The following CALHM2 variants were observed in gnomAD, a reference collection of about 807,000 sequenced individuals.
The protein encoded by CALHM2 is calcium homeostasis modulator family member 2, also known as calcium homeostasis modulator protein 2.
CALHM2 carries 18 observed loss-of-function variants against 20.4 expected under a neutral mutation model. The observed-to-expected ratio is 0.88, with a 90% CI of 0.61 to 1.31. The LOEUF (loss-of-function observed/expected upper bound fraction) is 1.31. Ranked by LOEUF, CALHM2 falls within the 50% of genes most tolerant of loss-of-function variation. CALHM2 has a pLI of 0.00. For synonymous variants in CALHM2, 193 were observed against 192.1 expected (o/e 1.00, Z -0.04); for missense variants, 411 against 435.7 (o/e 0.94, Z 0.50).
chr10:103,448,291 T>G (rs1744502265), intron 3 of CALHM2, among the ~76,000 whole-genome samples: 2 of 151,480 alleles, frequency 1.3e-5, no homozygotes. Flanking sequence ...AGATTACAGG[T>G]GCCCACCACC....
In CALHM2 at chr10:103,446,916, G is replaced by A; in HGVS notation, c.*236C>T. On this transcript the variant is annotated 3_prime_UTR_variant, in exon 4 of 4. Transcript: ENST00000260743. The stretch of plus-strand genomic sequence containing the variant: ...CTATGCAGCTAGATACATGTTAACT[G>A]CATAGAGTACCATAAAGGAGCCCAC... 2.0e-6 allele frequency: 1 copy of A among 510,394 alleles called. No individual in the cohort carries two copies. Among genetic ancestry groups the A allele is most frequent in the Non-Finnish European group, 3.4e-6 (1 of 290,086 alleles). The allele number at this position is 510,394 out of a possible 1,614,324, so 31.6% of individuals were successfully genotyped here. A position where few individuals can be genotyped will look rare whatever the true frequency, so the allele number is the denominator to read the frequency against.
At chr10:103,451,591 T>C (rs1208286605) in intron 1 of CALHM2, 3 of 151,596 alleles carry the variant, frequency 2.0e-5, no homozygotes, top group Admixed American at 6.7e-5. Context: ...CATGTGGCCA[T>C]GCAGACTCCA....
In CALHM2 at chr10:103,447,192, G is replaced by T; in HGVS notation, c.932C>A (p.Ala311Glu). The T allele has an allele frequency of 4.3e-6, 7 of 1,613,666 alleles. No individual in the cohort carries two copies. Among genetic ancestry groups the T allele is most frequent in the Non-Finnish European group, 5.9e-6 (7 of 1,179,706 alleles). ...GGCCATCTCCACGTTGTCAGGGGCC[G>T]CGCCGTTGCCTGCCAGACCCTGGGC... ...KWAQGLAGNG[A>E]APDNVEMALL... The change falls in exon 4 of 4, where the codon GCG becomes GAG. Residue 311 changes from alanine to glutamate, a missense_variant. Coordinates refer to ENST00000260743, the MANE Select transcript of CALHM2 (RefSeq NM_015916.5).
chr10:103,449,534 C>T lies in CALHM2; in HGVS notation c.408G>A (p.Val136=), dbSNP rs1178125155. 1.9e-6 allele frequency: 3 copies of T among 1,613,648 alleles called. No individual in the cohort carries two copies. Among genetic ancestry groups the T allele is most frequent in the Admixed American group, 1.7e-5 (1 of 60,022 alleles). The change falls in exon 3 of 4, where the codon GTG becomes GTA. Residue 136 remains valine, a synonymous_variant. Coordinates refer to ENST00000260743, the MANE Select transcript of CALHM2 (RefSeq NM_015916.5). ...CCCTGGCCGTGAGTGAGGAAGGGTC[C>T]ACGAACTCACTGAGAGCACAGACAT... ...EAYVCALSEF[V]DPSSLTAREE...
At chr10:103,450,232 G>A (rs2032913802) in intron 2 of CALHM2, 133 bp from the exon 3 acceptor site, 1 of 470,374 alleles carries the variant, frequency 2.1e-6, no homozygotes, top group Non-Finnish European at 3.9e-6. Context: ...TGTTCACTGA[G>A]TTCCTCCAGG....
chr10:103,449,744 C>G lies in CALHM2; in HGVS notation c.198G>C (p.Leu66=). 1.2e-6 allele frequency: 2 copies of G among 1,613,480 alleles called. No homozygotes were observed. Among genetic ancestry groups the G allele is most frequent in the Non-Finnish European group, 1.7e-6 (2 of 1,180,026 alleles). ...YGLAAIGVPA[L]VLFIIGIILN... ...GGATGATGCCAATGATGAAGAGCAC[C>G]AGGGCGGGCACGCCGATGGCCGCCA... The change falls in exon 3 of 4, where the codon CTG becomes CTC. Residue 66 remains leucine (L), a synonymous_variant. Transcript: ENST00000260743.
At position 103,449,699 on chromosome 10, in the gene CALHM2, G is replaced by T. The variant is rs781622865; in HGVS notation, c.243C>A (p.Asn81Lys). 19 of 1,613,820 alleles carry T rather than the reference G, an allele frequency of 1.2e-5. No individual in the cohort carries two copies. In the Admixed American group the frequency reaches 1.8e-4, roughly 16 times the overall value. The change falls in exon 3 of 4, where the codon AAC becomes AAA. Residue 81 changes from asparagine (N) to lysine (K), a missense_variant. Asn to Lys is a moderately conservative substitution (Grantham distance 94). Transcript: ENST00000260743. ...IGIILNNHTW[N>K]LVAECQHRRT... Reference sequence around the variant, plus strand: ...TCCGGTGCTGGCACTCGGCCACGAGGTTCCAGGTGTGGTTGTTGAGGATGA... The same window carrying T: ...TCCGGTGCTGGCACTCGGCCACGAGTTTCCAGGTGTGGTTGTTGAGGATGA...
chr10:103,450,053 G>T lies in CALHM2; in HGVS notation c.-112C>A. ...AGGCTGGGAGGCGCTGGACGGCAGG[G>T]TGTGGTTGTGCTATTTTATCCCCAG... On this transcript the variant is annotated 5_prime_UTR_variant, in exon 3 of 4. Transcript: ENST00000260743. The T allele has an allele frequency of 3.2e-6, 3 of 949,772 alleles. No homozygotes were observed. The South Asian group carries it at 4.6e-5, about 15-fold the overall frequency. 58.8% of individuals were successfully genotyped at this position (949,772 alleles called of 1,614,324 possible).
rs1306164523 is a variant in CALHM2, at chr10:103,447,178, C to G, written c.946G>C (p.Val316Leu). 7.4e-6 allele frequency: 12 copies of G among 1,611,296 alleles called. No homozygotes were observed. In the East Asian group the frequency reaches 2.7e-4, roughly 36 times the overall value. The change falls in exon 4 of 4, where the codon GTG becomes CTG. Residue 316 changes from valine to leucine, a missense_variant. Coordinates refer to ENST00000260743, the MANE Select transcript of CALHM2 (RefSeq NM_015916.5). The stretch of plus-strand genomic sequence containing the variant: ...TAGGAGGGGAGCAGGGCCATCTCCA[C>G]GTTGTCAGGGGCCGCGCCGTTGCCT... ...LAGNGAAPDN[V>L]EMALLPS
At chr10:103,448,375 G>T (rs891745995) in intron 3 of CALHM2, among the ~76,000 whole-genome samples, 2 of 151,476 alleles carry the variant, frequency 1.3e-5, no homozygotes, top group African/African-American at 4.8e-5. Context: ...TCGAACTCCT[G>T]ACCTCCAGTG....
At position 103,447,102 on chromosome 10, in the gene CALHM2, C is replaced by A. The variant is rs778472486; in HGVS notation, c.*50G>T. 9 of 1,499,312 alleles carry A rather than the reference C, an allele frequency of 6.0e-6. No homozygotes were observed. The Admixed American group carries it at 6.4e-5, about 11-fold the overall frequency. 92.9% of individuals were successfully genotyped at this position (1,499,312 alleles called of 1,614,324 possible). ...ATGGATGTGAGCAAGCAGTGGGGTT[C>A]AGTTTGGGACCAAGTAGTGCCATTT... is the stretch of plus-strand genomic sequence containing the variant. On this transcript the variant is annotated 3_prime_UTR_variant, in exon 4 of 4. Coordinates refer to ENST00000260743, the MANE Select transcript of CALHM2 (RefSeq NM_015916.5).
At position 103,447,028 on chromosome 10, in the gene CALHM2, C is replaced by T. The variant is rs2032663013; in HGVS notation, c.*124G>A. On this transcript the variant is annotated 3_prime_UTR_variant, in exon 4 of 4. Transcript: ENST00000260743. ...CCACACCCCAGATTGCCTTGTGGTC[C>T]TTTCCCCTGGCCAAGAAGATAACAG... The T allele has an allele frequency of 8.2e-6, 9 of 1,092,800 alleles. No homozygotes were observed. Among genetic ancestry groups the T allele is most frequent in the Non-Finnish European group, 1.0e-5 (8 of 777,556 alleles). The allele number at this position is 1,092,800 out of a possible 1,614,324, so 67.7% of individuals were successfully genotyped here. A position where few individuals can be genotyped will look rare whatever the true frequency, so the allele number is the denominator to read the frequency against.
rs201771304 is a variant in CALHM2, at chr10:103,449,758, C to T, written c.184G>A (p.Gly62Ser). ...ATGAAGAGCACCAGGGCGGGCACGC[C>T]GATGGCCGCCAGCCCGTACAGGTAG... Reference protein sequence around the residue: ...RNYLYGLAAIGVPALVLFIIG... With the variant: ...RNYLYGLAAISVPALVLFIIG... Residue 62 changes from glycine to serine, a missense_variant, in exon 3 of 4, where the codon GGC becomes AGC. Gly to Ser is a moderately conservative substitution (Grantham distance 56). Coordinates refer to ENST00000260743, the MANE Select transcript of CALHM2 (RefSeq NM_015916.5). 110 of 1,613,376 alleles carry T rather than the reference C, an allele frequency of 6.8e-5. No individual in the cohort carries two copies. In the African/African-American group the frequency reaches 7.5e-4, roughly 11 times the overall value.
Position 103,446,977 on chromosome 10 carries a change from G to A in CALHM2, c.*175C>T. 1 of 625,726 alleles carries A rather than the reference G, an allele frequency of 1.6e-6. No homozygotes were observed. The highest frequency in any genetic ancestry group is 2.7e-6 in the Non-Finnish European group (1 of 372,906). The allele number at this position is 625,726 out of a possible 1,614,324, so 38.8% of individuals were successfully genotyped here. On this transcript the variant is annotated 3_prime_UTR_variant, in exon 4 of 4. Transcript: ENST00000260743. The stretch of plus-strand genomic sequence containing the variant: ...CACTGTCACCTGGCCCTGCTGGCTG[G>A]GGCTTCCATTGTCTACTGGGTCTGT...
chr10:103,447,194 G>GC lies in CALHM2; in HGVS notation c.929dup (p.Ala311ArgfsTer4), dbSNP rs770551837. On this transcript the variant is annotated frameshift_variant, in exon 4 of 4. Transcript: ENST00000260743. LOFTEE classifies it high-confidence loss of function. The stretch of plus-strand genomic sequence containing the variant: ...CCATCTCCACGTTGTCAGGGGCCGC[G>GC]CCGTTGCCTGCCAGACCCTGGGCCC... 9.9e-6 allele frequency: 16 copies of GC among 1,613,812 alleles called. No homozygotes were observed.
Position 103,449,900 on chromosome 10 carries a change from A to G in CALHM2, c.42T>C (p.Leu14=), listed in dbSNP as rs967387481. 6.2e-7 allele frequency: 1 copy of G among 1,612,728 alleles called. No individual in the cohort carries two copies. The highest frequency in any genetic ancestry group is 8.5e-7 in the Non-Finnish European group (1 of 1,179,670). Residue 14 remains leucine, a synonymous_variant, in exon 3 of 4, where the codon CTT becomes CTC. Coordinates refer to ENST00000260743, the MANE Select transcript of CALHM2 (RefSeq NM_015916.5). ...TCATCACATCCTTGCTCTTGAAGAA[A>G]AGTGACAGGAAGCGGAAGTTCTCTG... ...LIAENFRFLS[L]FFKSKDVMIF...
chr10:103,447,681 T>C, intron 3 of CALHM2, 113 bp from the exon 4 acceptor site: 1 of 871,430 alleles, frequency 1.1e-6, no homozygotes, highest in South Asian at 2.0e-5. Context: ...CAGGCCCTTG[T>C]GGCTGTGATT....
In CALHM2 at chr10:103,447,512, G is replaced by T. The variant is rs2032709340; in HGVS notation, c.612C>A (p.Cys204Ter). The T allele has an allele frequency of 1.9e-6, 3 of 1,611,178 alleles. No individual in the cohort carries two copies. Among genetic ancestry groups the T allele is most frequent in the Admixed American group, 3.3e-5 (2 of 59,794 alleles). Residue 204 changes from cysteine (C) to a stop codon, truncating the protein, a stop_gained, in exon 4 of 4, where the codon TGC becomes TGA. Coordinates refer to ENST00000260743, the MANE Select transcript of CALHM2 (RefSeq NM_015916.5). LOFTEE classifies it high-confidence loss of function. The part of the protein sequence containing the change: ...VVAILVFLTK[C>*]LKHYCSPLSY... Reference sequence around the variant, plus strand: ...TGAGTGGTGAGCAGTAATGCTTGAGGCACTTGGTCAGGAACACCAGGATGG... The same window carrying T: ...TGAGTGGTGAGCAGTAATGCTTGAGTCACTTGGTCAGGAACACCAGGATGG...
In CALHM2 at chr10:103,447,285, GCATTC is replaced by G. The variant is rs1564784578; in HGVS notation, c.834_838del (p.Trp278CysfsTer10). 1 of 1,614,222 alleles carries G rather than the reference GCATTC, an allele frequency of 6.2e-7. No homozygotes were observed. The highest frequency in any genetic ancestry group is 8.5e-7 in the Non-Finnish European group (1 of 1,180,038). On this transcript the variant is annotated frameshift_variant, in exon 4 of 4. Transcript: ENST00000260743. LOFTEE classifies it high-confidence loss of function. ...ACGGTACAAGTAGACGCCGGTGATG[GCATTC>G]CACTGTGGCCGTGGCTGCGTGCCTT...
Sources: allele counts gnomAD v4.1 joint callset (sites outside exome capture counted in the v4.1 genomes callset), GRCh38; gene constraint gnomAD v4.1.1; transcripts MANE v1.5; gene names NCBI Gene and HGNC (gene_info 2026-07-23, HGNC 2026-07-21).